Variants in NF1 observed in about 807,000 individuals in gnomAD.
NF1 encodes the protein neurofibromin 1, also known as neurofibromin.
In NF1, 122 loss-of-function variants were observed where a neutral mutation model predicts 325.7. The ratio of observed to expected loss-of-function variants is 0.37; its 90% confidence interval spans 0.32 to 0.44. The LOEUF (loss-of-function observed/expected upper bound fraction) is 0.44. Among genes scored for constraint, NF1 ranks in the 20% least tolerant of loss-of-function variants. The pLI, the probability that NF1 is intolerant of heterozygous loss-of-function variation, is 1.00. For synonymous variants in NF1, 1,091 were observed against 1,186.0 expected (o/e 0.92, Z 1.65); for missense variants, 2,140 against 3,415.4 (o/e 0.63, Z 9.31).
At chr17:31,215,899 T>C (rs57254992) in intron 13 of NF1, among the ~76,000 whole-genome samples, 2 of 152,182 alleles carry the variant, frequency 1.3e-5, no homozygotes, top group Non-Finnish European at 2.9e-5. Flanking sequence ...GTGAATTTTT[T>C]AAAAATGTGT....
At chr17:31,235,354 A>G (rs1281714556) in intron 27 of NF1, among the ~76,000 whole-genome samples, 1 of 152,196 alleles carries the variant, frequency 6.6e-6, no homozygotes, top group East Asian at 1.9e-4. Flanking sequence ...TTTGTCTCCT[A>G]GTAAAGCGTA....
At chr17:31,116,137 T>TAGA (rs1567796478) in intron 1 of NF1, among the ~76,000 whole-genome samples, 1 of 152,180 alleles carries the variant, frequency 6.6e-6, no homozygotes, top group East Asian at 1.9e-4. Context: ...ATCTACCAGA[T>TAGA]AGAAATCCAT....
chr17:31,201,878 A>G (rs2066537310), intron 11 of NF1, among the ~76,000 whole-genome samples: 1 of 152,212 alleles, frequency 6.6e-6, no homozygotes, highest in African/African-American at 2.4e-5. Flanking sequence ...AGTTAAAAGT[A>G]ATAGTATTTA....
intron 50 of NF1, 49 bp downstream of exon 50, chr17:31,350,367 A>C (rs572308722): frequency 5.8e-6 from 9 of 1,547,364 alleles, no homozygotes; most frequent in Non-Finnish European, 8.0e-6. Flanking sequence ...TCAAGTTTCA[A>C]TTTTCCAACT....
intron 57 of NF1, among the ~76,000 whole-genome samples, chr17:31,373,316 T>C (rs1194546677): frequency 6.6e-6 from 1 of 152,178 alleles, no homozygotes; most frequent in African/African-American, 2.4e-5. Context: ...TAAACATGAA[T>C]GAGGATGTGA....
intron 36 of NF1, among the ~76,000 whole-genome samples, chr17:31,290,518 G>GT (rs2068324936): frequency 1.3e-5 from 2 of 152,124 alleles, no homozygotes; most frequent in Admixed American, 1.3e-4. Context: ...CAACAACCCT[G>GT]TAAGGAAATA....
chr17:31,102,682 C>T (rs1912455612), intron 1 of NF1, among the ~76,000 whole-genome samples: 1 of 151,574 alleles, frequency 6.6e-6, no homozygotes, highest in Non-Finnish European at 1.5e-5. Context: ...ATACAGTGAG[C>T]CATGATTGTG....
Position 31,169,924 on chromosome 17 carries a change from TG to T in NF1, c.514del (p.Val172LeufsTer6), listed in dbSNP as rs1378678798. The T allele has an allele frequency of 6.2e-7, 1 of 1,612,950 alleles. No individual in the cohort carries two copies. The highest frequency in any genetic ancestry group is 8.5e-7 in the Non-Finnish European group (1 of 1,179,256). ...QELTVCSEDNVDVHDIELLQY... is the reference protein window; with the variant it reads ...QELTVCSEDNXDVHDIELLQY... ...AATTAACTGTTTGTTCAGAAGACAATGTTGATGTTCATGATATAGAATTGTT... is the reference window on the plus strand; with the variant it reads ...AATTAACTGTTTGTTCAGAAGACAATTTGATGTTCATGATATAGAATTGTT... On this transcript the variant is annotated frameshift_variant, in exon 5 of 58. Coordinates refer to ENST00000358273, the MANE Select transcript of NF1 (RefSeq NM_001042492.3). LOFTEE classifies it high-confidence loss of function.
At chr17:31,163,141 C>G (rs2143669266) in intron 3 of NF1, 45 bp from the exon 4 acceptor site, 1 of 1,589,536 alleles carries the variant, frequency 6.3e-7, no homozygotes, top group Non-Finnish European at 8.6e-7. Context: ...AAAATGTTTA[C>G]AGGTAAAATT....
rs1452831118 is a variant in NF1, at chr17:31,374,165, G to A, written c.*10G>A. 15 of 1,613,956 alleles carry A rather than the reference G, an allele frequency of 9.3e-6. No individual in the cohort carries two copies. The highest frequency in any genetic ancestry group is 1.3e-5 in the Non-Finnish European group (15 of 1,179,898). ...TAAGAAGATCGTGTGAAGCTTGCTTGCTTTCTTTTTTAAAATCAACTTAAC... is the reference window on the plus strand; with the variant it reads ...TAAGAAGATCGTGTGAAGCTTGCTTACTTTCTTTTTTAAAATCAACTTAAC... On this transcript the variant is annotated 3_prime_UTR_variant, in exon 58 of 58. Coordinates refer to ENST00000358273, the MANE Select transcript of NF1 (RefSeq NM_001042492.3).
intron 16 of NF1, among the ~76,000 whole-genome samples, chr17:31,224,227 G>A (rs1366758948): frequency 1.3e-5 from 2 of 152,100 alleles, no homozygotes; most frequent in African/African-American, 2.4e-5. Context: ...TTGAAACATG[G>A]TGAGGTTGTG....
chr17:31,305,591 T>A, intron 36 of NF1: 1 of 1,612,744 alleles, frequency 6.2e-7, no homozygotes, highest in Non-Finnish European at 8.5e-7. Flanking sequence ...AAAATTAAGA[T>A]GAAATATTTG....
At position 31,235,632 on chromosome 17, in the gene NF1, G is replaced by A. The variant is rs2067186026; in HGVS notation, c.3730G>A (p.Val1244Ile). 1.2e-6 allele frequency: 2 copies of A among 1,613,878 alleles called. No homozygotes were observed. The highest frequency in any genetic ancestry group is 1.7e-6 in the Non-Finnish European group (2 of 1,179,996). ...SQWDELARVL[V>I]TLFDSRHLLY... is the part of the protein sequence containing the mutation. ...TCAGGATGAACTAGCTCGAGTTCTG[G>A]TTACTCTGTTTGATTCTCGGCATTT... Residue 1244 changes from valine (V) to isoleucine (I), a missense_variant, in exon 28 of 58, where the codon GTT (valine) becomes ATT (isoleucine). Transcript: ENST00000358273.
At chr17:31,229,001 T>C (rs1480835536) in intron 20 of NF1, 24 bp from the exon 21 acceptor site, 18 of 1,582,792 alleles carry the variant, frequency 1.1e-5, no homozygotes, top group Non-Finnish European at 1.6e-5. Context: ...TAATTCATGC[T>C]TTGCACAAAA....
In NF1 at chr17:31,252,939, C is replaced by T. The variant is rs763041946; in HGVS notation, c.4112C>T (p.Ala1371Val). 3 of 1,613,326 alleles carry T rather than the reference C, an allele frequency of 1.9e-6. No individual in the cohort carries two copies. The highest frequency in any genetic ancestry group is 2.5e-6 in the Non-Finnish European group (3 of 1,179,610). ...TTTGTGCTCATCTCTGTTCTGTAGG[C>T]AACTTGCCACTCCCTACTGAATAAA... ...LRSVCHCLYQ[A>V]TCHSLLNKAT... Residue 1371 changes from alanine to valine, a missense_variant and splice_region_variant, in exon 31 of 58, where the codon GCA becomes GTA. Transcript: ENST00000358273.
chr17:31,320,343 TAA>T (rs74877638), intron 36 of NF1: 7,367 of 1,139,818 alleles, frequency 6.5e-3, no homozygotes, highest in South Asian at 0.014. Flanking sequence ...TCCTTTTATT[TAA>T]AAAAAAAAAA....
chr17:31,276,069 C>G (rs1337377323), intron 36 of NF1, among the ~76,000 whole-genome samples: 1 of 151,896 alleles, frequency 6.6e-6, no homozygotes, highest in African/African-American at 2.4e-5. Flanking sequence ...ATTAGCCAGG[C>G]TTGGTGGTAT....
chr17:31,101,528 A>G (rs1455204920), intron 1 of NF1, among the ~76,000 whole-genome samples: 1 of 151,946 alleles, frequency 6.6e-6, no homozygotes. Flanking sequence ...TGATTTACCA[A>G]ACTCTTTCCC....
chr17:31,332,596 A>G (rs1439833704), intron 39 of NF1, among the ~76,000 whole-genome samples: 1 of 35,804 alleles, frequency 2.8e-5, no homozygotes, highest in Non-Finnish European at 1.1e-4. Flanking sequence ...TTTTTATTAT[A>G]CTCTAAGTTT....
Sources: allele counts gnomAD v4.1 joint callset (sites outside exome capture counted in the v4.1 genomes callset), GRCh38; gene constraint gnomAD v4.1.1; transcripts MANE v1.5; gene names NCBI Gene and HGNC (gene_info 2026-07-23, HGNC 2026-07-21).